The following CD109 variants were observed in gnomAD, a reference collection of about 807,000 sequenced individuals.
CD109 encodes the protein CD109 molecule.
In CD109, 149 loss-of-function variants were observed where a neutral mutation model predicts 165.8. The ratio of observed to expected loss-of-function variants is 0.90; its 90% CI spans 0.79 to 1.03. The LOEUF is 1.03. Among genes scored for constraint, CD109 ranks in the 50% least tolerant of loss-of-function variants. The pLI is 0.00. For synonymous variants in CD109, 585 were observed against 592.1 expected (o/e 0.99, Z 0.18); for missense variants, 1,712 against 1,677.8 (o/e 1.02, Z -0.36).
chr6:73,826,484 T>C lies in CD109; in HGVS notation c.*2851T>C, dbSNP rs1320846543. 2 of 152,180 alleles carry C rather than the reference T, an allele frequency of 1.3e-5. No individual in the cohort carries two copies. Among genetic ancestry groups the C allele is most frequent in the African/African-American group, 4.8e-5 (2 of 41,436 alleles). The allele number at this position is 152,180 out of a possible 1,614,324, so 9.4% of individuals were successfully genotyped here. On this transcript the variant is annotated 3_prime_UTR_variant, in exon 33 of 33. Transcript: ENST00000287097. The stretch of plus-strand genomic sequence containing the variant: ...GAGACTGAATGTTGGGAAAACCTAG[T>C]AGCCAAACAATTCTAGGACAGAATA...
rs1371075311 is a variant in CD109, at chr6:73,826,850, T to A, written c.*3217T>A. On this transcript the variant is annotated 3_prime_UTR_variant, in exon 33 of 33. Transcript: ENST00000287097. Reference sequence around the variant, plus strand: ...GCTCCTATTCTTTTGAGCCTAGGTATAATTTTTTTTTTTTTTTTAGAAAAA... The same window carrying A: ...GCTCCTATTCTTTTGAGCCTAGGTAAAATTTTTTTTTTTTTTTTAGAAAAA... 8.1e-6 allele frequency: 1 copy of A among 123,820 alleles called. No individual in the cohort carries two copies. Among genetic ancestry groups the A allele is most frequent in the Non-Finnish European group, 1.8e-5 (1 of 56,378 alleles). The allele number at this position is 123,820 out of a possible 1,614,324, so 7.7% of individuals were successfully genotyped here.
In CD109 at chr6:73,736,504, T is replaced by G. The variant is rs1396689291; in HGVS notation, c.629T>G (p.Val210Gly). The G allele has an allele frequency of 6.2e-7, 1 of 1,609,364 alleles. No homozygotes were observed. The highest frequency in any genetic ancestry group is 8.5e-7 in the Non-Finnish European group (1 of 1,178,216). Residue 210 changes from valine (V) to glycine (G), a missense_variant, in exon 5 of 33, where the codon GTG becomes GGG. Coordinates refer to ENST00000287097, the MANE Select transcript of CD109 (RefSeq NM_133493.5). ...ILGDWSIQVQ[V>G]NDQTYYQSFQ... ...GGTGACTGGTCTATTCAAGTTCAAG[T>G]GAATGTGAGTATAAATATATTTTTT... is the stretch of plus-strand genomic sequence containing the variant.
upstream of CD109, among the ~76,000 whole-genome samples, chr6:73,693,609 G>A (rs1429564185): frequency 6.6e-6 from 1 of 152,194 alleles, no homozygotes; most frequent in East Asian, 1.9e-4. Flanking sequence ...GGAGTGCAGT[G>A]GCACCATCTT....
chr6:73,740,227 T>C (rs1182007651), intron 5 of CD109, among the ~76,000 whole-genome samples: 2 of 152,294 alleles, frequency 1.3e-5, no homozygotes, highest in Admixed American at 6.5e-5. Context: ...AAATATGGAA[T>C]GATATGAGTA....
intron 3 of CD109, among the ~76,000 whole-genome samples, chr6:73,724,925 C>T (rs1772079676): frequency 6.6e-6 from 1 of 152,160 alleles, no homozygotes; most frequent in African/African-American, 2.4e-5. Context: ...TTGAAAGTTA[C>T]TTGTCAAGTA....
At chr6:73,731,420 G>T (rs934936271) in intron 4 of CD109, among the ~76,000 whole-genome samples, 3 of 152,364 alleles carry the variant, frequency 2.0e-5, no homozygotes, top group African/African-American at 4.8e-5. Context: ...TACAGAGGGG[G>T]AAGCACATGG....
chr6:73,725,350 G>T (rs1429854983), intron 3 of CD109, among the ~76,000 whole-genome samples: 4 of 152,140 alleles, frequency 2.6e-5, no homozygotes, highest in Non-Finnish European at 5.9e-5. Context: ...TAATTGTCTG[G>T]TTTCCTCAAA....
chr6:73,711,155 C>T (rs1035470323), intron 2 of CD109, among the ~76,000 whole-genome samples: 2 of 152,118 alleles, frequency 1.3e-5, no homozygotes, highest in Non-Finnish European at 2.9e-5. Context: ...CCTTGCTTGA[C>T]TCTGGGTTTT....
chr6:73,756,785 A>G (rs1172355828), intron 6 of CD109, 103 bp downstream of exon 6: 3 of 779,868 alleles, frequency 3.8e-6, no homozygotes, highest in Non-Finnish European at 5.9e-6. Flanking sequence ...AAAAATCTCA[A>G]TGGAGTTAAA....
rs757991614 is a variant in CD109, at chr6:73,818,478, C to T, written c.4002C>T (p.Ser1334=). 3.1e-5 allele frequency: 50 copies of T among 1,613,158 alleles called. No homozygotes were observed. The highest frequency in any genetic ancestry group is 6.7e-5 in the African/African-American group (5 of 74,800). The change falls in exon 31 of 33, where the codon AGC becomes AGT. Residue 1334 remains serine (S), a synonymous_variant. Transcript: ENST00000287097. The part of the protein sequence containing the change: ...FMVPSEAISL[S]ETVKKVEYDH... Reference sequence around the variant, plus strand: ...TGCCTTCAGAAGCAATTTCTCTGAGCGAGACAGTGAAGAAAGTGGAATATG... The same window carrying T: ...TGCCTTCAGAAGCAATTTCTCTGAGTGAGACAGTGAAGAAAGTGGAATATG...
intron 2 of CD109, among the ~76,000 whole-genome samples, chr6:73,718,803 CTG>C (rs1458331987): frequency 6.6e-6 from 1 of 152,136 alleles, no homozygotes; most frequent in African/African-American, 2.4e-5. Context: ...TTAGAACACT[CTG>C]TAAGTGGTAT....
chr6:73,762,170 C>G (rs1254899624), intron 7 of CD109, among the ~76,000 whole-genome samples: 3 of 152,014 alleles, frequency 2.0e-5, no homozygotes, highest in Admixed American at 1.3e-4. Flanking sequence ...ACTATGTTGG[C>G]CAGGCTGGTC....
Position 73,766,125 on chromosome 6 carries a change from C to G in CD109, c.1303C>G (p.Leu435Val), listed in dbSNP as rs781154673. 1 of 1,613,972 alleles carries G rather than the reference C, an allele frequency of 6.2e-7. No individual in the cohort carries two copies. The highest frequency in any genetic ancestry group is 1.3e-5 in the African/African-American group (1 of 75,032). ...SGTFKIEFPI[L>V]EDSSELQLKA... is the part of the protein sequence containing the mutation. ...AACTTTTAAGATTGAATTCCCAATCCTGGAGGATTCCAGTGAGCTACAGTT... is the reference window on the plus strand; with the variant it reads ...AACTTTTAAGATTGAATTCCCAATCGTGGAGGATTCCAGTGAGCTACAGTT... The change falls in exon 11 of 33, where the codon CTG (leucine) becomes GTG (valine). Residue 435 changes from leucine to valine, a missense_variant. Leu to Val is a conservative substitution (Grantham distance 32, BLOSUM62 1). Transcript: ENST00000287097.
rs941639374 is a variant in CD109, at chr6:73,827,690, A to C, written c.*4057A>C. ...GTGTTTTCATGTCTCATCAAAAGAC[A>C]ATACCACATTGCATCATTTTACAAA... On this transcript the variant is annotated 3_prime_UTR_variant, in exon 33 of 33. Coordinates refer to ENST00000287097, the MANE Select transcript of CD109 (RefSeq NM_133493.5). 27 of 152,332 alleles carry C rather than the reference A, an allele frequency of 1.8e-4. No homozygotes were observed. The highest frequency in any genetic ancestry group is 5.0e-4 in the African/African-American group (21 of 41,586). The allele number at this position is 152,332 out of a possible 1,614,324, so 9.4% of individuals were successfully genotyped here. A position where few individuals can be genotyped will look rare whatever the true frequency, so the allele number is the denominator to read the frequency against.
At chr6:73,686,943 G>T in the CD109 span, among the ~76,000 whole-genome samples, 1 of 152,126 alleles carries the variant, frequency 6.6e-6, no homozygotes, top group South Asian at 2.1e-4. Flanking sequence ...CCACCCGCCT[G>T]GGTCTCCCAA....
chr6:73,774,773 C>T (rs958829102), intron 15 of CD109, among the ~76,000 whole-genome samples: 2 of 152,140 alleles, frequency 1.3e-5, no homozygotes, highest in African/African-American at 4.8e-5. Flanking sequence ...TGCCTTCTGC[C>T]TTAGACTGAA....
In CD109 at chr6:73,792,786, T is replaced by C. The variant is rs1485415664; in HGVS notation, c.2862T>C (p.Leu954=). The change falls in exon 23 of 33, where the codon CTT becomes CTC. Residue 954 remains leucine (L), a synonymous_variant. Coordinates refer to ENST00000287097, the MANE Select transcript of CD109 (RefSeq NM_133493.5). ...CAGATAATTTGAAAGAAAAAGCTCT[T>C]TCATTTATGAGGCAAGGTAAGCATT... is the stretch of plus-strand genomic sequence containing the variant. ...QLTDNLKEKA[L]SFMRQGYQRE... The C allele has an allele frequency of 6.2e-7, 1 of 1,608,754 alleles. No individual in the cohort carries two copies. Among genetic ancestry groups the C allele is most frequent in the African/African-American group, 1.3e-5 (1 of 74,638 alleles).
rs755321539 is a variant in CD109, at chr6:73,787,359, C to T, written c.2463C>T (p.Pro821=). 4.5e-5 allele frequency: 73 copies of T among 1,614,096 alleles called. 2 individuals are homozygous for T. In the South Asian group the frequency reaches 7.5e-4, roughly 17 times the overall value. The stretch of plus-strand genomic sequence containing the variant: ...AGGATGGGGCAACTGTTCTTTTTCC[C>T]ATCAGGCCAACACATCTGGGAGAAA... ...PSEDGATVLF[P]IRPTHLGEIP... is the part of the protein sequence containing the mutation. The change falls in exon 21 of 33, where the codon CCC becomes CCT. Residue 821 remains proline, a synonymous_variant. Transcript: ENST00000287097.
At chr6:73,779,848 A>C (rs997611653) in intron 15 of CD109, among the ~76,000 whole-genome samples, 1 of 151,952 alleles carries the variant, frequency 6.6e-6, no homozygotes, top group Non-Finnish European at 1.5e-5. Context: ...AATGAGTACT[A>C]TTCTTAAAAA....
Sources: allele counts gnomAD v4.1 joint callset (sites outside exome capture counted in the v4.1 genomes callset), GRCh38; gene constraint gnomAD v4.1.1; transcripts MANE v1.5; gene names NCBI Gene and HGNC (gene_info 2026-07-23, HGNC 2026-07-21).